PALM2AKAP2: variants seen among roughly 807,000 people sequenced by gnomAD.
PALM2AKAP2 encodes the protein PALM2-AKAP2 fusion protein.
Under a neutral mutation model 71.5 loss-of-function variants are expected in PALM2AKAP2, and 37 were observed. That is an observed-to-expected ratio of 0.52 (90% CI 0.40 to 0.68). The LOEUF is 0.68. PALM2AKAP2 is among the 30% of genes least tolerant of loss of function. The probability of loss-of-function intolerance (pLI) is 0.00; values close to 1 mark genes in which losing one functional copy is unlikely to be tolerated. For missense variants in PALM2AKAP2, 1,224 were observed against 1,191.8 expected (o/e 1.03, Z -0.40); for synonymous variants, 468 against 478.8 (o/e 0.98, Z 0.29).
chr9:110,014,802 AAATGTATATATATATATAT>A (rs1171987546), intron 6 of PALM2AKAP2, among the ~76,000 whole-genome samples: 4 of 41,458 alleles, frequency 9.6e-5, no homozygotes, highest in African/African-American at 5.1e-4. Context: ...AAAAAAAAAA[AAATGTATATATATATATAT>A]ATATATATAT....
At chr9:109,932,821 T>C (rs1247907447) in intron 6 of PALM2AKAP2, among the ~76,000 whole-genome samples, 1 of 152,210 alleles carries the variant, frequency 6.6e-6, no homozygotes, top group Non-Finnish European at 1.5e-5. Flanking sequence ...ACTTCAAATA[T>C]GAGTATCAGA....
chr9:110,150,978 A>G (rs1031921187), intron 2 of PALM2AKAP2, among the ~76,000 whole-genome samples: 2 of 152,214 alleles, frequency 1.3e-5, no homozygotes, highest in Non-Finnish European at 2.9e-5. Context: ...AGCCATAGCT[A>G]ACTTAACCAT....
intron 6 of PALM2AKAP2, among the ~76,000 whole-genome samples, chr9:109,967,811 T>C (rs554302711): frequency 1.3e-5 from 2 of 152,146 alleles, no homozygotes; most frequent in East Asian, 3.9e-4. Context: ...GAACAGAAAG[T>C]GGTGGATGAG....
At chr9:109,880,713 TAC>T in intron 3 of PALM2AKAP2, 32 bp downstream of exon 3, 1 of 1,611,160 alleles carries the variant, frequency 6.2e-7, no homozygotes, top group Non-Finnish European at 8.5e-7. Flanking sequence ...GAACCCATGC[TAC>T]AGTTTTTCAG....
intron 1 of PALM2AKAP2, among the ~76,000 whole-genome samples, chr9:109,805,976 A>G (rs1412611600): frequency 1.3e-5 from 2 of 152,204 alleles, no homozygotes; most frequent in Admixed American, 6.5e-5. Context: ...CTCCAGGGCC[A>G]TGGAAAAGCT....
At chr9:110,090,771 G>A (rs1834687774) in intron 1 of PALM2AKAP2, among the ~76,000 whole-genome samples, 1 of 152,010 alleles carries the variant, frequency 6.6e-6, no homozygotes, top group Non-Finnish European at 1.5e-5. Context: ...AACTTATATA[G>A]CATTTTTCAA....
chr9:110,075,039 C>G (rs1386224005), intron 1 of PALM2AKAP2, among the ~76,000 whole-genome samples: 1 of 151,958 alleles, frequency 6.6e-6, no homozygotes, highest in African/African-American at 2.4e-5. Context: ...AAAAAAAAGT[C>G]ACTGTAAGAG....
At chr9:110,092,083 G>C (rs1320349889) in intron 1 of PALM2AKAP2, among the ~76,000 whole-genome samples, 1 of 152,228 alleles carries the variant, frequency 6.6e-6, no homozygotes, top group Non-Finnish European at 1.5e-5. Context: ...TGTAATCTCA[G>C]CACTTTGTGA....
intron 6 of PALM2AKAP2, among the ~76,000 whole-genome samples, chr9:109,947,339 T>A (rs532346587): frequency 6.6e-6 from 1 of 152,326 alleles, no homozygotes; most frequent in South Asian, 2.1e-4. Context: ...AGGGGAAGTA[T>A]AAGAGAGAGT....
At position 110,096,123 on chromosome 9, in the gene PALM2AKAP2, G is replaced by A. The variant is rs1834829886; in HGVS notation, c.157-40004G>A. Among the ~76,000 whole-genome samples, 3 of 152,310 alleles carry A rather than the reference G, an allele frequency of 2.0e-5. No individual in the cohort carries two copies. The South Asian group carries it at 6.2e-4, about 32-fold the overall frequency. On this transcript the variant is annotated intron_variant, in intron 1 of 3. Transcript: ENST00000374525. ...CAATTTATTATTACTGTTCCAAAAA[G>A]GAAACTGCATGATTAATGTCAGAAT...
At chr9:109,732,773 G>A (rs191100430) in intron 1 of PALM2AKAP2, among the ~76,000 whole-genome samples, 1 of 152,320 alleles carries the variant, frequency 6.6e-6, no homozygotes, top group Admixed American at 6.5e-5. Context: ...AAATGGAAAG[G>A]GTAGCAGGGA....
exon 1 of PALM2AKAP2, chr9:109,780,512 G>A: frequency 6.2e-7 from 1 of 1,613,694 alleles, no homozygotes; most frequent in Non-Finnish European, 8.5e-7. Flanking sequence ...AATTGCACAA[G>A]GAAAGGCTGC....
chr9:109,874,193 G>A (rs1456593154), intron 2 of PALM2AKAP2, among the ~76,000 whole-genome samples: 2 of 152,172 alleles, frequency 1.3e-5, no homozygotes, highest in Non-Finnish European at 1.5e-5. Context: ...AGTCCTGACT[G>A]TGAGAACTCA....
At chr9:109,737,991 G>A (rs1015678246) in intron 1 of PALM2AKAP2, among the ~76,000 whole-genome samples, 3 of 152,174 alleles carry the variant, frequency 2.0e-5, no homozygotes, top group African/African-American at 7.2e-5. Flanking sequence ...TCTTTATTGA[G>A]TCTTCCAGAT....
At chr9:109,702,413 T>C (rs1318531370) in intron 1 of PALM2AKAP2, among the ~76,000 whole-genome samples, 1 of 152,082 alleles carries the variant, frequency 6.6e-6, no homozygotes, top group Non-Finnish European at 1.5e-5. Flanking sequence ...TATGCTGCCA[T>C]AAAAAAGGAT....
chr9:109,731,549 G>T (rs1429112031), intron 1 of PALM2AKAP2, among the ~76,000 whole-genome samples: 2 of 152,114 alleles, frequency 1.3e-5, no homozygotes, highest in Non-Finnish European at 2.9e-5. Flanking sequence ...GCTTTTCTTT[G>T]TATAGTCTGA....
At chr9:110,017,115 G>C (rs531767281) in intron 7 of PALM2AKAP2, among the ~76,000 whole-genome samples, 1 of 152,176 alleles carries the variant, frequency 6.6e-6, no homozygotes, top group East Asian at 1.9e-4. Context: ...TCCTGACCTC[G>C]AGATCCGCCT....
intron 1 of PALM2AKAP2, among the ~76,000 whole-genome samples, chr9:109,761,021 A>G (rs1255283529): frequency 6.6e-6 from 1 of 152,218 alleles, no homozygotes; most frequent in Non-Finnish European, 1.5e-5. Flanking sequence ...AATAAAGAAT[A>G]TGGTTTATGT....
At chr9:109,954,494 T>G (rs1831706880) in intron 6 of PALM2AKAP2, among the ~76,000 whole-genome samples, 1 of 120,350 alleles carries the variant, frequency 8.3e-6, no homozygotes, top group Non-Finnish European at 1.7e-5. Context: ...AATATCACAC[T>G]CTGGGGACTG....
Sources: gnomAD v4.1 joint callset for allele counts (sites outside exome capture counted in the v4.1 genomes callset) on GRCh38, gnomAD v4.1.1 for gene constraint, MANE v1.5 for transcripts, NCBI Gene and HGNC (gene_info 2026-07-23, HGNC 2026-07-21) for gene names.